The following CHSY3 variants were observed in gnomAD, a reference collection of about 807,000 sequenced individuals.
CHSY3 encodes chondroitin sulfate synthase 3, also known as N-acetylgalactosaminyl-proteoglycan 3-beta-glucuronosyltransferase 3.
In CHSY3, 35 loss-of-function variants were observed where a neutral mutation model predicts 67.2. The ratio of observed to expected loss-of-function variants is 0.52; its 90% CI spans 0.40 to 0.69. CHSY3 has a LOEUF of 0.69. Ranked by LOEUF, CHSY3 falls within the 30% of genes least tolerant of loss-of-function variation. The pLI, the probability that CHSY3 is intolerant of heterozygous loss-of-function variation, is 0.00. For missense variants in CHSY3, 1,069 were observed against 1,138.5 expected, an observed-to-expected ratio of 0.94 and a Z score of 0.88; for synonymous variants, 474 against 434.7, an observed-to-expected ratio of 1.09 and a Z score of -1.12.
intron 2 of CHSY3, among the ~76,000 whole-genome samples, chr5:130,059,160 C>T (rs1220812068): frequency 6.6e-6 from 1 of 152,184 alleles, no homozygotes; most frequent in East Asian, 1.9e-4. Flanking sequence ...TAAAGAGCAA[C>T]AGCTGAGGTT....
At chr5:129,922,803 G>C in intron 2 of CHSY3, among the ~76,000 whole-genome samples, 1 of 152,024 alleles carries the variant, frequency 6.6e-6, no homozygotes, top group East Asian at 1.9e-4. Flanking sequence ...TACACTGTTA[G>C]CTGTTTCCTT....
chr5:130,172,286 G>C (rs1042387935), intron 2 of CHSY3, among the ~76,000 whole-genome samples: 5 of 149,340 alleles, frequency 3.3e-5, no homozygotes, highest in Non-Finnish European at 5.9e-5. Flanking sequence ...AAAAAGAATA[G>C]TTTATTATTT....
intron 2 of CHSY3, among the ~76,000 whole-genome samples, chr5:130,121,434 C>A (rs960569757): frequency 6.6e-6 from 1 of 152,060 alleles, no homozygotes; most frequent in Non-Finnish European, 1.5e-5. Flanking sequence ...TTGTATTTTT[C>A]CATAGGTAAA....
At chr5:130,046,583 G>A (rs1208003615) in intron 2 of CHSY3, among the ~76,000 whole-genome samples, 2 of 152,038 alleles carry the variant, frequency 1.3e-5, no homozygotes, top group Non-Finnish European at 2.9e-5. Flanking sequence ...TCACATACTT[G>A]CTGACTTGAA....
intron 2 of CHSY3, among the ~76,000 whole-genome samples, chr5:130,077,269 C>A (rs1025422096): frequency 6.6e-6 from 1 of 152,060 alleles, no homozygotes; most frequent in African/African-American, 2.4e-5. Context: ...CCCACACCCT[C>A]AGTGATTCTG....
At chr5:130,071,549 G>GTT (rs1397628897) in intron 2 of CHSY3, among the ~76,000 whole-genome samples, 1 of 151,214 alleles carries the variant, frequency 6.6e-6, no homozygotes, top group Admixed American at 6.6e-5. Context: ...GTGTGTGTGT[G>GTT]TGTGTGTGTG....
chr5:130,063,189 A>C (rs1765767972), intron 2 of CHSY3, among the ~76,000 whole-genome samples: 1 of 152,090 alleles, frequency 6.6e-6, no homozygotes, highest in Non-Finnish European at 1.5e-5. Context: ...AATTTTGTGA[A>C]TATATGTCTA....
At chr5:130,040,956 A>G (rs1764990896) in intron 2 of CHSY3, among the ~76,000 whole-genome samples, 1 of 152,082 alleles carries the variant, frequency 6.6e-6, no homozygotes, top group Admixed American at 6.6e-5. Context: ...CTGTTTATTT[A>G]ACAGAGGCAA....
chr5:129,975,148 G>A (rs1200125659), intron 2 of CHSY3: 1 of 151,990 alleles, frequency 6.6e-6, no homozygotes, highest in Non-Finnish European at 1.5e-5. Flanking sequence ...AATGGGTGCA[G>A]CACACCAACA....
At chr5:130,152,561 G>C (rs1561560958) in intron 2 of CHSY3, among the ~76,000 whole-genome samples, 1 of 152,066 alleles carries the variant, frequency 6.6e-6, no homozygotes, top group South Asian at 2.1e-4. Context: ...AGTTATTTAA[G>C]CTTCTAATCA....
intron 2 of CHSY3, among the ~76,000 whole-genome samples, chr5:130,012,224 C>T (rs1016565914): frequency 1.1e-4 from 16 of 152,136 alleles, no homozygotes; most frequent in African/African-American, 3.1e-4. Flanking sequence ...AGCAAAACAG[C>T]GTGGTACTGA....
intron 2 of CHSY3, among the ~76,000 whole-genome samples, chr5:130,090,197 T>G (rs1004543874): frequency 6.6e-6 from 1 of 152,130 alleles, no homozygotes; most frequent in African/African-American, 2.4e-5. Flanking sequence ...AGGCTACCTC[T>G]CCATTGGAGA....
At chr5:129,904,136 C>G (rs1005164749), upstream of CHSY3, among the ~76,000 whole-genome samples, 6 of 147,434 alleles carry the variant, frequency 4.1e-5, no homozygotes, top group Admixed American at 4.0e-4. Context: ...GGGAGGCCAG[C>G]GGAGGGGCGG....
At chr5:130,006,584 G>T (rs777514064) in intron 2 of CHSY3, among the ~76,000 whole-genome samples, 3 of 152,148 alleles carry the variant, frequency 2.0e-5, no homozygotes, top group Non-Finnish European at 4.4e-5. Flanking sequence ...TTTTCTGAAT[G>T]CAATATTGGA....
chr5:130,077,883 AT>A (rs1766324203), intron 2 of CHSY3, among the ~76,000 whole-genome samples: 1 of 151,984 alleles, frequency 6.6e-6, no homozygotes, highest in Non-Finnish European at 1.5e-5. Context: ...AAAAAGTTTT[AT>A]TTTATATAAC....
intron 2 of CHSY3, among the ~76,000 whole-genome samples, chr5:130,005,315 T>G (rs1763844525): frequency 6.6e-6 from 1 of 151,894 alleles, no homozygotes; most frequent in African/African-American, 2.4e-5. Flanking sequence ...CTCGGGAGGC[T>G]GAGGCAGGAG....
intron 2 of CHSY3, among the ~76,000 whole-genome samples, chr5:130,007,469 T>C (rs1580642363): frequency 6.6e-6 from 1 of 152,196 alleles, no homozygotes; most frequent in East Asian, 1.9e-4. Flanking sequence ...CAGAGAACCC[T>C]GCATGTGGTT....
intron 2 of CHSY3, among the ~76,000 whole-genome samples, chr5:130,087,108 G>C (rs1488562782): frequency 0.023 from 3,440 of 152,018 alleles, 129 homozygotes; most frequent in African/African-American, 0.076. Context: ...CAGAACCAAA[G>C]ACAAAAACCA....
intron 2 of CHSY3, among the ~76,000 whole-genome samples, chr5:129,948,844 T>A (rs189725777): frequency 4.6e-5 from 7 of 152,252 alleles, no homozygotes; most frequent in Admixed American, 3.9e-4. Flanking sequence ...CATGCCAACA[T>A]CTATTATTTT....
Sources: gnomAD v4.1 joint callset for allele counts (sites outside exome capture counted in the v4.1 genomes callset) on GRCh38, gnomAD v4.1.1 for gene constraint, MANE v1.5 for transcripts, NCBI Gene and HGNC (gene_info 2026-07-23, HGNC 2026-07-21) for gene names.